Variants in CFAP70 observed in about 807,000 individuals in gnomAD.
CFAP70 encodes the protein cilia and flagella associated protein 70, also known as cilia- and flagella-associated protein 70.
Under a neutral mutation model 137.6 loss-of-function variants are expected in CFAP70, and 81 were observed. The observed-to-expected ratio is 0.59, with a 90% CI of 0.49 to 0.71. The LOEUF (loss-of-function observed/expected upper bound fraction) is 0.71, where lower values mean the gene tolerates loss of function less well. CFAP70 is among the 30% of genes least tolerant of loss of function. The probability of loss-of-function intolerance (pLI) is 0.00; values close to 1 mark genes in which losing one functional copy is unlikely to be tolerated. For synonymous variants in CFAP70, 382 were observed against 423.6 expected, an observed-to-expected ratio of 0.90 and a Z score of 1.20; for missense variants, 976 against 1,226.7, an observed-to-expected ratio of 0.80 and a Z score of 3.05.
At chr10:73,274,521 T>C (rs766264713) in exon 23 of CFAP70, 4 of 1,614,066 alleles carry the variant, frequency 2.5e-6, no homozygotes, top group African/African-American at 2.7e-5. Context: ...GGTTCGTTCA[T>C]AGCATGCCTT....
Position 73,275,249 on chromosome 10 carries a change from G to C in CFAP70, c.2673+197C>G. The C allele has an allele frequency of 2.5e-6, 1 of 392,412 alleles. No homozygotes were observed. Among genetic ancestry groups the C allele is most frequent in the Non-Finnish European group, 4.3e-6 (1 of 234,412 alleles). 24.3% of individuals were successfully genotyped at this position (392,412 alleles called of 1,614,324 possible). ...CTGCCTCGGCCTCCCAAAGTGCTGC[G>C]ATTACAGTTGTGAGCCACCGCGCCC... On this transcript the variant is annotated intron_variant, in intron 22 of 26. Coordinates refer to ENST00000310715, the Ensembl canonical transcript of CFAP70. The surrounding 1 kb of genome is among the most constrained non-coding windows in gnomAD (Gnocchi z 4.0).
At chr10:73,293,411 G>A (rs755697116) in intron 15 of CFAP70, 23 bp from the exon 17 acceptor site, 2 of 1,555,596 alleles carry the variant, frequency 1.3e-6, no homozygotes, top group South Asian at 2.4e-5. Context: ...AAGATGTTAG[G>A]TAGACAAAAA....
intron 19 of CFAP70, among the ~76,000 whole-genome samples, chr10:73,286,293 A>C (rs2047702798): frequency 6.6e-6 from 1 of 152,020 alleles, no homozygotes; most frequent in Non-Finnish European, 1.5e-5. Context: ...AAATACAAAA[A>C]ATTAGCCGGG....
intron 25 of CFAP70, among the ~76,000 whole-genome samples, chr10:73,257,757 G>A (rs535443535): frequency 9.1e-4 from 138 of 152,172 alleles, no homozygotes; most frequent in African/African-American, 3.1e-3. Flanking sequence ...GGAGGCAGAG[G>A]CCCAAATGAT....
rs762393989 is a variant in CFAP70 at position 73,275,083 on chromosome 10, G to C, written c.2673+363C>G. The C allele has an allele frequency of 3.1e-5, 5 of 162,090 alleles. No individual in the cohort carries two copies. The highest frequency in any genetic ancestry group is 6.4e-5 in the Admixed American group (1 of 15,660). 10.0% of individuals were successfully genotyped at this position (162,090 alleles called of 1,614,324 possible). A position where few individuals can be genotyped will look rare whatever the true frequency, so the allele number is the denominator to read the frequency against. ...CAACCTCCGCCTCCCAGGTTCAGGC[G>C]AGTCTCCTGCCTCACCCTCCTGAGT... On this transcript the variant is annotated intron_variant, in intron 22 of 26. Transcript: ENST00000310715. The surrounding 1 kb of genome is among the most constrained non-coding windows in gnomAD (Gnocchi z 4.0).
intron 7 of CFAP70, among the ~76,000 whole-genome samples, chr10:73,332,851 T>A (rs895471028): frequency 6.6e-6 from 1 of 152,134 alleles, no homozygotes; most frequent in Non-Finnish European, 1.5e-5. Context: ...CAATATATAA[T>A]GGCTAGCTTC....
chr10:73,310,310 A>G, intron 11 of CFAP70, 61 bp from the exon 13 acceptor site: 1 of 1,168,386 alleles, frequency 8.6e-7, no homozygotes. Flanking sequence ...AAAATTTAGT[A>G]ACATAAGATG....
rs1362666822 is a variant in CFAP70, at chr10:73,353,635, T to C, written c.171A>G (p.Lys57=). 3 of 1,614,208 alleles carry C rather than the reference T, an allele frequency of 1.9e-6. No individual in the cohort carries two copies. The East Asian group carries it at 6.7e-5, about 36-fold the overall frequency. Reference sequence around the variant, plus strand: ...ACTCAAAACTGCTAGTGAAGTTGTATTTTGCACTTCCTTCTGGAGAAACAG... The same window carrying C: ...ACTCAAAACTGCTAGTGAAGTTGTACTTTGCACTTCCTTCTGGAGAAACAG... The change falls in exon 3 of 27, where the codon AAA becomes AAG. Residue 57 remains lysine, a synonymous_variant. Coordinates refer to ENST00000310715, the Ensembl canonical transcript of CFAP70.
At chr10:73,342,880 T>G (rs11000614) in intron 5 of CFAP70, among the ~76,000 whole-genome samples, 23,166 of 151,526 alleles carry the variant, frequency 0.15, 2,876 homozygotes, top group African/African-American at 0.32. Context: ...TTCGAGACCA[T>G]CCTGGCCAAT....
At chr10:73,274,751 CA>C (rs2046569601) in intron 22 of CFAP70, 157 bp from the exon 24 acceptor site, 1 of 695,592 alleles carries the variant, frequency 1.4e-6, no homozygotes, top group Non-Finnish European at 2.3e-6. Flanking sequence ...CACTCAGAAA[CA>C]TAACCATTTA....
chr10:73,311,267 A>T (rs1191774421), intron 11 of CFAP70, among the ~76,000 whole-genome samples: 5 of 150,838 alleles, frequency 3.3e-5, no homozygotes, highest in African/African-American at 1.2e-4. Flanking sequence ...ATTCTCTGTT[A>T]TTCTCTCTCA....
At chr10:73,360,814 T>C (rs1467107784), upstream of CFAP70, among the ~76,000 whole-genome samples, 1 of 152,148 alleles carries the variant, frequency 6.6e-6, no homozygotes, top group African/African-American at 2.4e-5. Flanking sequence ...CATAATAAGC[T>C]GGGTTAGGCC....
intron 11 of CFAP70, 46 bp downstream of exon 12, chr10:73,311,788 G>A (rs1230936004): frequency 7.2e-7 from 1 of 1,390,222 alleles, no homozygotes; most frequent in Non-Finnish European, 1.0e-6. Context: ...CTTAATAAAG[G>A]TCTGGTTAAC....
chr10:73,323,060 G>C, exon 9 of CFAP70: 1 of 1,612,536 alleles, frequency 6.2e-7, no homozygotes, highest in Non-Finnish European at 8.5e-7. Context: ...ATTAACATAA[G>C]CCACACCATG....
chr10:73,299,697 A>C (rs1202203951), intron 12 of CFAP70, 32 bp from the exon 14 acceptor site: 31 of 1,498,252 alleles, frequency 2.1e-5, no homozygotes, highest in Non-Finnish European at 2.6e-5. Flanking sequence ...ATAAAAAAAC[A>C]AAAAAAAATT....
At chr10:73,259,897 C>T (rs761257212) in intron 25 of CFAP70, among the ~76,000 whole-genome samples, 2 of 151,344 alleles carry the variant, frequency 1.3e-5, no homozygotes, top group South Asian at 2.1e-4. Flanking sequence ...CATGGTGGCA[C>T]ACATCTGTTG....
intron 7 of CFAP70, among the ~76,000 whole-genome samples, chr10:73,331,622 T>C (rs569772190): frequency 6.6e-6 from 1 of 152,164 alleles, no homozygotes; most frequent in African/African-American, 2.4e-5. Flanking sequence ...GTCAAGGCTA[T>C]AGTGAGCCGT....
At chr10:73,290,156 G>A (rs1256919228) in intron 19 of CFAP70, among the ~76,000 whole-genome samples, 2 of 151,852 alleles carry the variant, frequency 1.3e-5, no homozygotes, top group Admixed American at 1.3e-4. Flanking sequence ...TGAACTAATT[G>A]TGGTATATCC....
At chr10:73,311,949 T>A in intron 10 of CFAP70, 35 bp from the exon 12 acceptor site, 4 of 1,465,430 alleles carry the variant, frequency 2.7e-6, no homozygotes, top group Non-Finnish European at 3.8e-6. Context: ...AAAATTGAAT[T>A]CCTACACAGT....
Sources: allele counts gnomAD v4.1 joint callset (sites outside exome capture counted in the v4.1 genomes callset), GRCh38; gene constraint gnomAD v4.1.1; non-coding constraint Gnocchi (gnomAD v3.1); transcripts MANE v1.5; gene names NCBI Gene and HGNC (gene_info 2026-07-23, HGNC 2026-07-21).